PIGK: variants seen among roughly 807,000 people sequenced by gnomAD.
PIGK encodes phosphatidylinositol glycan anchor biosynthesis class K.
Under a neutral mutation model 50.6 loss-of-function variants are expected in PIGK, and 42 were observed. That is an observed-to-expected ratio of 0.83 (90% CI 0.65 to 1.07). PIGK has a LOEUF of 1.07. PIGK is among the 50% of genes least tolerant of loss of function. The pLI is 0.00. For missense variants in PIGK, 448 were observed against 488.7 expected (o/e 0.92, Z 0.78); for synonymous variants, 151 against 156.0 (o/e 0.97, Z 0.24).
intron 3 of PIGK, among the ~76,000 whole-genome samples, chr1:77,178,730 C>T (rs12562335): frequency 0.23 from 35,588 of 152,016 alleles, 5,117 homozygotes; most frequent in Non-Finnish European, 0.32. Flanking sequence ...CTCCTTGGTG[C>T]GCTATATTTT....
chr1:77,174,245 G>A (rs1489946211), intron 3 of PIGK, among the ~76,000 whole-genome samples: 1 of 152,188 alleles, frequency 6.6e-6, no homozygotes, highest in African/African-American at 2.4e-5. Flanking sequence ...AAGTGGGGTA[G>A]TAAGAAATTT....
chr1:77,194,274 T>A (rs1384929072), intron 3 of PIGK, among the ~76,000 whole-genome samples: 1 of 152,182 alleles, frequency 6.6e-6, no homozygotes, highest in African/African-American at 2.4e-5. Flanking sequence ...AGTTTGGAGA[T>A]TTCTCAAAGA....
chr1:77,158,804 T>A (rs544688438), intron 8 of PIGK, among the ~76,000 whole-genome samples: 1 of 152,262 alleles, frequency 6.6e-6, no homozygotes, highest in South Asian at 2.1e-4. Context: ...AGTTTATGTA[T>A]TCATGAAGAT....
chr1:77,103,078 G>A (rs1290241763), intron 10 of PIGK, among the ~76,000 whole-genome samples: 4 of 152,090 alleles, frequency 2.6e-5, no homozygotes, highest in Non-Finnish European at 4.4e-5. Context: ...TTCAGGTTAT[G>A]CATATTGTTT....
At chr1:77,151,367 A>G (rs1654890165) in intron 9 of PIGK, among the ~76,000 whole-genome samples, 1 of 152,210 alleles carries the variant, frequency 6.6e-6, no homozygotes, top group Admixed American at 6.5e-5. Context: ...AAGGCCATAC[A>G]TAACAAACCC....
chr1:77,106,908 T>C (rs1653694854), intron 10 of PIGK, among the ~76,000 whole-genome samples: 1 of 152,200 alleles, frequency 6.6e-6, no homozygotes, highest in Non-Finnish European at 1.5e-5. Context: ...GATGGTAGTT[T>C]GTATTTCTCT....
At chr1:77,103,510 A>T (rs1190026001) in intron 10 of PIGK, among the ~76,000 whole-genome samples, 1 of 152,246 alleles carries the variant, frequency 6.6e-6, no homozygotes, top group Admixed American at 6.5e-5. Flanking sequence ...GTCAGACAAA[A>T]GGTAATAAAC....
intron 9 of PIGK, among the ~76,000 whole-genome samples, chr1:77,124,941 T>C (rs554806606): frequency 6.6e-6 from 1 of 152,194 alleles, no homozygotes. Context: ...TGACCACTTG[T>C]GCAGTTTGAT....
At chr1:77,162,528 C>T (rs558300646) in intron 6 of PIGK, among the ~76,000 whole-genome samples, 1 of 152,168 alleles carries the variant, frequency 6.6e-6, no homozygotes, top group South Asian at 2.1e-4. Flanking sequence ...TGGATCTTAT[C>T]CTATAAGTTT....
chr1:77,101,141 T>C (rs1185526567), intron 10 of PIGK, among the ~76,000 whole-genome samples: 2 of 152,180 alleles, frequency 1.3e-5, no homozygotes, highest in Admixed American at 6.5e-5. Flanking sequence ...CATGAAACTA[T>C]TTATTACATC....
chr1:77,122,259 A>G lies in PIGK; in HGVS notation c.1071+16T>C. 1 of 1,480,238 alleles carries G rather than the reference A, an allele frequency of 6.8e-7. No homozygotes were observed. The highest frequency in any genetic ancestry group is 2.3e-5 in the East Asian group (1 of 44,190). The allele number at this position is 1,480,238 out of a possible 1,614,324, so 91.7% of individuals were successfully genotyped here. On this transcript the variant is annotated intron_variant, in intron 10 of 10. Transcript: ENST00000370812. ...AAAATCTTGTTTCTTTCAAAAGAAT[A>G]AAATGAAATGCAAACCTGGTGTATT...
chr1:77,113,460 T>C lies in PIGK; in HGVS notation c.1071+8815A>G, dbSNP rs370258353. Among the ~76,000 whole-genome samples the C allele has an allele frequency of 3.9e-5, 6 of 152,092 alleles. No individual in the cohort carries two copies. In the East Asian group the frequency reaches 5.8e-4, roughly 15 times the overall value. On this transcript the variant is annotated intron_variant, in intron 10 of 10. Transcript: ENST00000370812. ...ATTGTTTTAGTTGTATGTAGCTAAT[T>C]CTTAAGTATTCAAGGTCCACTCATA...
intron 10 of PIGK, among the ~76,000 whole-genome samples, chr1:77,096,426 A>C (rs1653406418): frequency 6.6e-6 from 1 of 152,132 alleles, no homozygotes; most frequent in Non-Finnish European, 1.5e-5. Flanking sequence ...TTTGGCCAAC[A>C]AAATGCAACA....
At chr1:77,190,300 C>A (rs1439655391) in intron 3 of PIGK, among the ~76,000 whole-genome samples, 1 of 151,946 alleles carries the variant, frequency 6.6e-6, no homozygotes, top group Non-Finnish European at 1.5e-5. Context: ...ACTCAGGAGG[C>A]CGAGGCGGGA....
intron 10 of PIGK, among the ~76,000 whole-genome samples, chr1:77,095,949 GCTCT>G (rs1414437641): frequency 1.3e-5 from 2 of 152,042 alleles, no homozygotes; most frequent in South Asian, 4.1e-4. Flanking sequence ...ATTGAGGTGG[GCTCT>G]ATGAGGAAAA....
intron 10 of PIGK, among the ~76,000 whole-genome samples, chr1:77,100,166 A>T (rs771169652): frequency 2.0e-5 from 3 of 152,186 alleles, no homozygotes; most frequent in Admixed American, 6.5e-5. Flanking sequence ...AACTGTACAC[A>T]TTTATTGGGA....
rs569497805 is a variant in PIGK, at chr1:77,197,609, G to T, written c.239+9031C>A. On this transcript the variant is annotated intron_variant, in intron 3 of 10. Transcript: ENST00000370812. ...CATATATGCTTTGTATTACTTCTTT[G>T]TTGGTTTGATAGTAATCTGAGTAAA... 5.3e-5 allele frequency among the ~76,000 whole-genome samples: 8 copies of T among 152,290 alleles called. No individual in the cohort carries two copies. The South Asian group carries it at 1.7e-3, about 32-fold the overall frequency.
intron 9 of PIGK, among the ~76,000 whole-genome samples, chr1:77,148,170 T>C (rs1654812913): frequency 6.6e-6 from 1 of 152,190 alleles, no homozygotes; most frequent in Non-Finnish European, 1.5e-5. Context: ...TTATGATATC[T>C]GATCTCTCAT....
intron 9 of PIGK, among the ~76,000 whole-genome samples, chr1:77,149,271 A>G (rs1271715010): frequency 6.6e-6 from 1 of 152,158 alleles, no homozygotes; most frequent in Non-Finnish European, 1.5e-5. Context: ...TAAATTGACT[A>G]AATTCTCCAA....
Sources: allele counts gnomAD v4.1 joint callset (sites outside exome capture counted in the v4.1 genomes callset), GRCh38; gene constraint gnomAD v4.1.1; transcripts MANE v1.5; gene names NCBI Gene and HGNC (gene_info 2026-07-23, HGNC 2026-07-21).